Variants in TRIM5 observed in about 807,000 individuals in gnomAD.
The protein encoded by TRIM5 is tripartite motif-containing protein 5.
A neutral mutation model predicts 35.6 loss-of-function variants in TRIM5; 31 were observed. That is an observed-to-expected ratio of 0.87 (90% CI 0.65 to 1.18). The LOEUF (loss-of-function observed/expected upper bound fraction) is 1.18, where lower values mean the gene tolerates loss of function less well. Ranked by LOEUF, TRIM5 falls within the 50% of genes most tolerant of loss-of-function variation. The pLI is 0.00. For synonymous variants in TRIM5, 243 were observed against 215.6 expected (o/e 1.13, Z -1.11); for missense variants, 609 against 591.6 (o/e 1.03, Z -0.31).
the TRIM5 span, among the ~76,000 whole-genome samples, chr11:5,607,439 A>G: frequency 6.6e-6 from 1 of 152,200 alleles, no homozygotes; most frequent in Non-Finnish European, 1.5e-5. Flanking sequence ...AAATGCCACC[A>G]TAAACAGCCC....
chr11:5,652,591 G>C, the TRIM5 span, among the ~76,000 whole-genome samples: 1 of 152,092 alleles, frequency 6.6e-6, no homozygotes, highest in Non-Finnish European at 1.5e-5. Flanking sequence ...TTTGAAGTCA[G>C]GTAATTGATG....
chr11:5,589,198 G>A, the TRIM5 span: 2 of 151,190 alleles, frequency 1.3e-5, no homozygotes, highest in African/African-American at 2.4e-5. Context: ...ATTCTAAACT[G>A]GTCAAATAGT....
At chr11:5,603,195 T>C in the TRIM5 span, 1 of 1,574,872 alleles carries the variant, frequency 6.3e-7, no homozygotes. Flanking sequence ...TATTCCCTTA[T>C]TCTCCCTCCT....
chr11:5,608,648 G>A, the TRIM5 span, among the ~76,000 whole-genome samples: 110 of 151,872 alleles, frequency 7.2e-4, no homozygotes, highest in African/African-American at 2.2e-3. Flanking sequence ...GCAGTATTGC[G>A]CCACTGCACT....
chr11:5,678,466 C>T, intron 3 of TRIM5, 32 bp from the exon 4 acceptor site: 1 of 1,470,176 alleles, frequency 6.8e-7, no homozygotes, highest in Non-Finnish European at 9.1e-7. Flanking sequence ...AAGGGGCACT[C>T]AGTCTACCAG....
the TRIM5 span, among the ~76,000 whole-genome samples, chr11:5,620,191 T>TG: frequency 8.0e-6 from 1 of 124,996 alleles, no homozygotes; most frequent in Non-Finnish European, 1.7e-5. Flanking sequence ...TTTTTTTTTT[T>TG]TGTTGAGACT....
chr11:5,645,880 A>AAAT, the TRIM5 span: 229 of 137,352 alleles, frequency 1.7e-3, 1 homozygote, highest in East Asian at 4.6e-3. Flanking sequence ...AAAAAAAAAA[A>AAAT]ATATATATAT....
chr11:5,642,910 A>G, the TRIM5 span: 1 of 1,595,816 alleles, frequency 6.3e-7, no homozygotes, highest in Admixed American at 1.7e-5. Flanking sequence ...GGTTTCAATG[A>G]TATCTTCTGA....
the TRIM5 span, among the ~76,000 whole-genome samples, chr11:5,595,658 G>T: frequency 1.3e-5 from 2 of 152,008 alleles, no homozygotes; most frequent in South Asian, 4.1e-4. Context: ...GTTCTCAAAG[G>T]CCTCCGGATT....
the TRIM5 span, chr11:5,642,414 T>G: frequency 6.2e-7 from 1 of 1,611,824 alleles, no homozygotes; most frequent in African/African-American, 1.3e-5. Flanking sequence ...AGGAGTGAGA[T>G]CTGGAGGCTG....
the TRIM5 span, among the ~76,000 whole-genome samples, chr11:5,636,973 C>T: frequency 6.6e-6 from 1 of 152,074 alleles, no homozygotes; most frequent in Non-Finnish European, 1.5e-5. Context: ...AGTGAAACCC[C>T]GTCTCTACTA....
chr11:5,634,326 G>C, the TRIM5 span, among the ~76,000 whole-genome samples: 1 of 151,842 alleles, frequency 6.6e-6, no homozygotes, highest in East Asian at 1.9e-4. Flanking sequence ...GCCTAGATAA[G>C]ACAGTTTGAG....
At chr11:5,668,462 C>CT (rs1276204436) in intron 4 of TRIM5, among the ~76,000 whole-genome samples, 7 of 146,442 alleles carry the variant, frequency 4.8e-5, no homozygotes, top group South Asian at 2.2e-4. Context: ...TTCTTTCTTT[C>CT]TTTTTTTTTA....
the TRIM5 span, among the ~76,000 whole-genome samples, chr11:5,652,852 C>CTTTTTTTTTTTT: frequency 2.1e-5 from 3 of 143,676 alleles, no homozygotes; most frequent in African/African-American, 2.6e-5. Context: ...TTTTCTTTTT[C>CTTTTTTTTTTTT]TTTTTTTTTT....
chr11:5,593,800 A>G, the TRIM5 span, among the ~76,000 whole-genome samples: 1 of 152,166 alleles, frequency 6.6e-6, no homozygotes, highest in East Asian at 1.9e-4. Context: ...AACTGCAAGT[A>G]CTCTGAGTAT....
At chr11:5,678,492 C>T in intron 3 of TRIM5, 58 bp from the exon 4 acceptor site, 1 of 1,389,870 alleles carries the variant, frequency 7.2e-7, no homozygotes, top group Non-Finnish European at 9.7e-7. Context: ...GGCTGTTAGC[C>T]AGAAAAGGAG....
the TRIM5 span, chr11:5,643,312 A>G: frequency 4.3e-6 from 7 of 1,613,958 alleles, no homozygotes; most frequent in African/African-American, 2.7e-5. Context: ...GACGTGTCCA[A>G]GAAAACTGCC....
the TRIM5 span, among the ~76,000 whole-genome samples, chr11:5,629,110 C>T: frequency 1.3e-5 from 2 of 152,088 alleles, no homozygotes; most frequent in Non-Finnish European, 2.9e-5. Context: ...AACCCCGTCT[C>T]TACTAAAAAT....
the TRIM5 span, among the ~76,000 whole-genome samples, chr11:5,615,245 G>A: frequency 1.5e-4 from 23 of 152,242 alleles, no homozygotes; most frequent in African/African-American, 5.1e-4. Flanking sequence ...TGTGTATTCT[G>A]TGGTCCTGGG....
Sources: gnomAD v4.1 joint callset for allele counts (sites outside exome capture counted in the v4.1 genomes callset) on GRCh38, gnomAD v4.1.1 for gene constraint, MANE v1.5 for transcripts, NCBI Gene and HGNC (gene_info 2026-07-23, HGNC 2026-07-21) for gene names.